The following NPM1 variants were observed in gnomAD, a reference collection of about 807,000 sequenced individuals.
The protein encoded by NPM1 is nucleophosmin.
NPM1 carries 1 observed loss-of-function variant against 44.1 expected under a neutral mutation model. The ratio of observed to expected loss-of-function variants is 0.02; its 90% CI spans 0.01 to 0.11. The LOEUF (loss-of-function observed/expected upper bound fraction) is 0.11. Ranked by LOEUF, NPM1 falls within the 10% of genes least tolerant of loss-of-function variation. The probability of loss-of-function intolerance (pLI) is 1.00; values close to 1 mark genes in which losing one functional copy is unlikely to be tolerated. For synonymous variants in NPM1, 126 were observed against 111.8 expected (o/e 1.13, Z -0.80); for missense variants, 197 against 347.8 (o/e 0.57, Z 3.45).
At position 171,391,296 on chromosome 5, in the gene NPM1, T is replaced by G. The variant is rs997564714; in HGVS notation, c.139-9T>G. On this transcript the variant is annotated splice_polypyrimidine_tract_variant and intron_variant, in intron 2 of 10. Transcript: ENST00000296930. Reference sequence around the variant, plus strand: ...AAAAGTTGAAGTAGTATTTTTTTTTTGTTCACAGGTCAGTTTAGGGGCTGG... The same window carrying G: ...AAAAGTTGAAGTAGTATTTTTTTTTGGTTCACAGGTCAGTTTAGGGGCTGG... 5.6e-6 allele frequency: 9 copies of G among 1,600,340 alleles called. No homozygotes were observed. Among genetic ancestry groups the G allele is most frequent in the East Asian group, 2.2e-5 (1 of 44,780 alleles).
intron 10 of NPM1, among the ~76,000 whole-genome samples, chr5:171,409,770 G>A (rs1472763080): frequency 2.6e-5 from 4 of 151,978 alleles, no homozygotes; most frequent in Non-Finnish European, 5.9e-5. Context: ...GCCTCTTAAA[G>A]TGCTGGGATT....
At position 171,407,779 on chromosome 5, in the gene NPM1, CTG is replaced by C; in HGVS notation, c.846+6_846+7del. On this transcript the variant is annotated splice_donor_region_variant and intron_variant, in intron 10 of 10. Coordinates refer to ENST00000296930, the MANE Select transcript of NPM1 (RefSeq NM_002520.7). Reference sequence around the variant, plus strand: ...TTCCGGATGACTGACCAAGAGGTAACTGGATTTTCTGGGGACATGATTAAATC... The same window carrying C: ...TTCCGGATGACTGACCAAGAGGTAACGATTTTCTGGGGACATGATTAAATC... 1 of 1,571,154 alleles carries C rather than the reference CTG, an allele frequency of 6.4e-7. No homozygotes were observed. The highest frequency in any genetic ancestry group is 8.8e-7 in the Non-Finnish European group (1 of 1,142,360).
At chr5:171,391,534 C>G in intron 3 of NPM1, 110 bp downstream of exon 3, 1 of 1,397,976 alleles carries the variant, frequency 7.2e-7, no homozygotes, top group Non-Finnish European at 9.9e-7. Context: ...TCTTTATCTT[C>G]TGTCACTGGA....
intron 6 of NPM1, among the ~76,000 whole-genome samples, chr5:171,397,523 T>G (rs1770970024): frequency 6.6e-6 from 1 of 152,218 alleles, no homozygotes; most frequent in Non-Finnish European, 1.5e-5. Flanking sequence ...CGTCTCCCTG[T>G]GGACTAATAA....
At chr5:171,391,168 A>G (rs982973673) in intron 2 of NPM1, 137 bp from the exon 3 acceptor site, 34 of 972,514 alleles carry the variant, frequency 3.5e-5, no homozygotes, top group Non-Finnish European at 5.0e-5. Context: ...TTGTACAAAG[A>G]TGAAATTGTC....
At chr5:171,403,708 C>T (rs1261737061) in intron 8 of NPM1, among the ~76,000 whole-genome samples, 42 of 147,668 alleles carry the variant, frequency 2.8e-4, no homozygotes, top group African/African-American at 6.4e-4. Flanking sequence ...ACCTCCCTCC[C>T]GGACAGGGCG....
At chr5:171,389,468 C>G (rs1291327811) in intron 1 of NPM1, among the ~76,000 whole-genome samples, 1 of 152,154 alleles carries the variant, frequency 6.6e-6, no homozygotes, top group African/African-American at 2.4e-5. Flanking sequence ...AAATTTATAT[C>G]AGTACTTTTT....
At chr5:171,403,070 G>A (rs1771314143) in intron 8 of NPM1, among the ~76,000 whole-genome samples, 1 of 114,500 alleles carries the variant, frequency 8.7e-6, no homozygotes, top group South Asian at 3.3e-4. Flanking sequence ...ATTTGGCAGG[G>A]TCATGGGACA....
chr5:171,400,460 CT>C (rs199784076), intron 7 of NPM1, among the ~76,000 whole-genome samples: 5,254 of 138,582 alleles, frequency 0.038, 276 homozygotes, highest in African/African-American at 0.13. Context: ...TTTTTCCTTC[CT>C]TTTTTTTTTT....
chr5:171,389,232 T>C (rs1770443408), intron 1 of NPM1, among the ~76,000 whole-genome samples: 2 of 152,238 alleles, frequency 1.3e-5, no homozygotes, highest in South Asian at 4.1e-4. Context: ...GTGAATTTTA[T>C]CTTGTTCATT....
chr5:171,408,744 A>AT (rs747431298), intron 10 of NPM1, among the ~76,000 whole-genome samples: 1 of 152,208 alleles, frequency 6.6e-6, no homozygotes, highest in Non-Finnish European at 1.5e-5. Flanking sequence ...ATCATAAATT[A>AT]TTTTGAAACT....
chr5:171,387,623 A>G (rs948857902), upstream of NPM1: 1 of 303,610 alleles, frequency 3.3e-6, no homozygotes, highest in Non-Finnish European at 6.0e-6. Context: ...AGGCGACAGC[A>G]GCGGAGGGGT....
At chr5:171,391,593 C>T in intron 3 of NPM1, 113 bp from the exon 4 acceptor site, 1 of 1,118,198 alleles carries the variant, frequency 8.9e-7, no homozygotes, top group Admixed American at 2.0e-5. Flanking sequence ...CTACTTTTAT[C>T]AGAGGTGGAA....
chr5:171,405,520 G>C (rs1269712421), intron 9 of NPM1, 117 bp downstream of exon 9: 2 of 644,168 alleles, frequency 3.1e-6, no homozygotes, highest in East Asian at 5.7e-5. Flanking sequence ...ATACTTGCCT[G>C]GTTCGTGGTA....
chr5:171,395,579 A>T (rs1015198764), intron 6 of NPM1, among the ~76,000 whole-genome samples: 1 of 152,188 alleles, frequency 6.6e-6, no homozygotes, highest in African/African-American at 2.4e-5. Context: ...AAGTTTTCAT[A>T]TAAGTTGAAG....
At chr5:171,395,992 CTG>C (rs1200714876) in intron 6 of NPM1, among the ~76,000 whole-genome samples, 5 of 140,182 alleles carry the variant, frequency 3.6e-5, no homozygotes, top group African/African-American at 1.3e-4. Flanking sequence ...GAGACAGTCT[CTG>C]TTGCCCCGGC....
chr5:171,395,233 T>A (rs1054359564), intron 6 of NPM1, among the ~76,000 whole-genome samples: 1 of 152,120 alleles, frequency 6.6e-6, no homozygotes, highest in Non-Finnish European at 1.5e-5. Context: ...TTGTTTGTCT[T>A]TAAGTTGGGC....
intron 4 of NPM1, among the ~76,000 whole-genome samples, chr5:171,392,034 G>A (rs1015359626): frequency 9.9e-5 from 15 of 152,070 alleles, no homozygotes; most frequent in Non-Finnish European, 1.2e-4. Flanking sequence ...ACCTCTCCGG[G>A]ATTCAAGCGA....
At chr5:171,397,033 A>G (rs1477499077) in intron 6 of NPM1, among the ~76,000 whole-genome samples, 4 of 152,168 alleles carry the variant, frequency 2.6e-5, no homozygotes, top group African/African-American at 9.6e-5. Context: ...ACCATAATCA[A>G]TTTTAGAACA....
Sources: allele counts gnomAD v4.1 joint callset (sites outside exome capture counted in the v4.1 genomes callset), GRCh38; gene constraint gnomAD v4.1.1; transcripts MANE v1.5; gene names NCBI Gene and HGNC (gene_info 2026-07-23, HGNC 2026-07-21).